The following OLFML2A variants were observed in gnomAD, a reference collection of about 807,000 sequenced individuals.
The protein encoded by OLFML2A is olfactomedin like 2A.
A neutral mutation model predicts 60.9 loss-of-function variants in OLFML2A; 47 were observed. The observed-to-expected ratio is 0.77, with a 90% CI of 0.61 to 0.98. OLFML2A has a LOEUF of 0.98. OLFML2A is among the 50% of genes least tolerant of loss of function. The pLI is 0.00. For synonymous variants in OLFML2A, 372 were observed against 375.0 expected (o/e 0.99, Z 0.09); for missense variants, 922 against 879.8 (o/e 1.05, Z -0.61).
In OLFML2A at chr9:124,786,893, G is replaced by C. The variant is rs1841484080; in HGVS notation, c.91-82G>C. 13 of 1,466,020 alleles carry C rather than the reference G, an allele frequency of 8.9e-6. No individual in the cohort carries two copies. In the South Asian group the frequency reaches 1.5e-4, roughly 17 times the overall value. 90.8% of individuals were successfully genotyped at this position (1,466,020 alleles called of 1,614,324 possible). On this transcript the variant is annotated intron_variant, in intron 1 of 7. Transcript: ENST00000373580. ...CATCCCAAGGCTGGCTGGCCAGCTG[G>C]CTTCTGCCATCTCTCCCTTCCTCCC...
intron 1 of OLFML2A, among the ~76,000 whole-genome samples, chr9:124,785,851 A>T (rs1485861468): frequency 3.3e-5 from 5 of 152,164 alleles, no homozygotes; most frequent in Admixed American, 1.3e-4. Context: ...GAGGTGGCAC[A>T]TACTGTAATC....
rs761695541 is a variant in OLFML2A at position 124,807,941 on chromosome 9, C to T, written c.1329C>T (p.Phe443=). 3 of 1,614,068 alleles carry T rather than the reference C, an allele frequency of 1.9e-6. No homozygotes were observed. The South Asian group carries it at 3.3e-5, about 18-fold the overall frequency. Residue 443 remains phenylalanine, a synonymous_variant, in exon 7 of 8, where the codon TTC becomes TTT. Transcript: ENST00000373580. ...NYYYGNSLVE[F]RNLENFKQGR... is the part of the protein sequence containing the mutation. The stretch of plus-strand genomic sequence containing the variant: ...ACTATGGAAACAGCCTGGTGGAGTT[C>T]CGCAACCTGGAAAACTTCAAGCAAG...
Position 124,787,055 on chromosome 9 carries a change from C to A in OLFML2A, c.171C>A (p.Ser57Arg), listed in dbSNP as rs1180975209. The change falls in exon 2 of 8, where the codon AGC (serine) becomes AGA (arginine). Residue 57 changes from serine to arginine, a missense_variant. By Grantham distance (110) the Ser-to-Arg change is moderately radical. Transcript: ENST00000373580. ...CRCKCIMRPLSKDACSRVRSG... is the reference protein window; with the variant it reads ...CRCKCIMRPLRKDACSRVRSG... ...GCAAGTGCATCATGCGGCCCCTGAG[C>A]AAGGACGCGTGTAGCCGAGTGCGCA... 1 of 1,614,056 alleles carries A rather than the reference C, an allele frequency of 6.2e-7. No individual in the cohort carries two copies. Among genetic ancestry groups the A allele is most frequent in the Admixed American group, 1.7e-5 (1 of 60,030 alleles).
At chr9:124,809,058 T>C (rs1252327503) in intron 7 of OLFML2A, among the ~76,000 whole-genome samples, 3 of 151,162 alleles carry the variant, frequency 2.0e-5, no homozygotes, top group Non-Finnish European at 2.9e-5. Context: ...TCCCAGCTAC[T>C]TGGGAGGCTA....
chr9:124,805,183 G>A (rs970631729), intron 6 of OLFML2A, among the ~76,000 whole-genome samples: 11 of 151,902 alleles, frequency 7.2e-5, no homozygotes, highest in African/African-American at 2.2e-4. Flanking sequence ...CATTGATCCC[G>A]TCCTTCCGAA....
intron 1 of OLFML2A, among the ~76,000 whole-genome samples, chr9:124,782,007 T>G (rs1841368688): frequency 6.6e-6 from 1 of 152,218 alleles, no homozygotes. Flanking sequence ...CATCTGTGTG[T>G]GCTGAGCAAG....
rs999478525 is a variant in OLFML2A at position 124,777,365 on chromosome 9, G to A, written c.90+5G>A. The A allele has an allele frequency of 5.5e-6, 7 of 1,271,926 alleles. No individual in the cohort carries two copies. The highest frequency in any genetic ancestry group is 7.0e-6 in the Non-Finnish European group (7 of 1,005,834). The allele number at this position is 1,271,926 out of a possible 1,614,324, so 78.8% of individuals were successfully genotyped here. A position where few individuals can be genotyped will look rare whatever the true frequency, so the allele number is the denominator to read the frequency against. On this transcript the variant is annotated splice_donor_5th_base_variant and intron_variant, in intron 1 of 7. Transcript: ENST00000373580. The surrounding 1 kb of genome is among the most constrained non-coding windows in gnomAD (Gnocchi z 6.2). ...CCCACGCGCGCCGACAGTAAGGTAC[G>A]CACGCCCCTCGGACCCGCGCGGCTC...
intron 4 of OLFML2A, 29 bp downstream of exon 4, chr9:124,799,520 G>A (rs377238108): frequency 9.2e-6 from 14 of 1,529,288 alleles, no homozygotes; most frequent in East Asian, 2.4e-5. Context: ...TCATGGGGCC[G>A]GAGCTGGCTG....
chr9:124,801,734 C>T, intron 5 of OLFML2A, 71 bp downstream of exon 5: 1 of 1,499,592 alleles, frequency 6.7e-7, no homozygotes, highest in Non-Finnish European at 9.1e-7. Flanking sequence ...CTCATCTTCT[C>T]TGCAGTGGGA....
At chr9:124,792,168 T>C (rs1841580977) in intron 2 of OLFML2A, among the ~76,000 whole-genome samples, 1 of 152,348 alleles carries the variant, frequency 6.6e-6, no homozygotes, top group South Asian at 2.1e-4. Context: ...TGGTCAACTG[T>C]GTGGCACTAC....
chr9:124,794,982 T>C (rs781624840), intron 2 of OLFML2A, 42 bp from the exon 3 acceptor site: 11 of 1,217,480 alleles, frequency 9.0e-6, no homozygotes, highest in Middle Eastern at 1.9e-4. Context: ...TGGCCGGCCA[T>C]GTGCTGCACT....
chr9:124,809,834 C>T lies in OLFML2A; in HGVS notation c.1381C>T (p.Pro461Ser), dbSNP rs144365777. ...QGRWSNMYKL[P>S]YNWIGTGHVV... ...CCGCTGGAGTAACATGTACAAGCTA[C>T]CCTACAACTGGATCGGCACAGGCCA... Residue 461 changes from proline (P) to serine (S), a missense_variant, in exon 8 of 8, where the codon CCC becomes TCC. Pro to Ser is a moderately conservative substitution (Grantham distance 74, BLOSUM62 -1). Coordinates refer to ENST00000373580, the MANE Select transcript of OLFML2A (RefSeq NM_182487.4). The T allele has an allele frequency of 5.6e-4, 900 of 1,612,082 alleles. No individual in the cohort carries two copies. Among genetic ancestry groups the T allele is most frequent in the Non-Finnish European group, 7.1e-4 (834 of 1,178,874 alleles).
At chr9:124,800,427 C>T (rs1841751135) in intron 4 of OLFML2A, among the ~76,000 whole-genome samples, 1 of 152,350 alleles carries the variant, frequency 6.6e-6, no homozygotes, top group South Asian at 2.1e-4. Flanking sequence ...GAGGGGCGAC[C>T]CCTGCCCATT....
Position 124,804,248 on chromosome 9 carries a change from C to G in OLFML2A, c.1074C>G (p.Ile358Met), listed in dbSNP as rs779735895. ...TGGCTTCTGGCACCCCCACTTCAAT[C>G]CCTGCCACCACCACCACCGCCACCA... ...VDLASGTPTS[I>M]PATTTTATTT... The change falls in exon 6 of 8, where the codon ATC (isoleucine) becomes ATG (methionine). Residue 358 changes from isoleucine (I) to methionine (M), a missense_variant. Physicochemically the swap from Ile to Met is conservative, Grantham distance 10. Coordinates refer to ENST00000373580, the MANE Select transcript of OLFML2A (RefSeq NM_182487.4). 1.9e-6 allele frequency: 3 copies of G among 1,612,048 alleles called. No homozygotes were observed. The highest frequency in any genetic ancestry group is 1.3e-5 in the African/African-American group (1 of 74,952).
At chr9:124,807,089 A>AT (rs151131740) in intron 6 of OLFML2A, among the ~76,000 whole-genome samples, 99 of 142,464 alleles carry the variant, frequency 6.9e-4, no homozygotes, top group Non-Finnish European at 8.7e-4. Context: ...AATTAAAAAA[A>AT]TTTTTTTTTT....
At chr9:124,793,142 G>T (rs900502474) in intron 2 of OLFML2A, among the ~76,000 whole-genome samples, 1 of 152,250 alleles carries the variant, frequency 6.6e-6, no homozygotes, top group Non-Finnish European at 1.5e-5. Context: ...GCCTGTGCAG[G>T]CCCTGGGAAA....
intron 1 of OLFML2A, among the ~76,000 whole-genome samples, chr9:124,786,755 C>T (rs1483556905): frequency 2.8e-5 from 2 of 70,874 alleles, no homozygotes; most frequent in African/African-American, 1.2e-4. Context: ...CGTAGACACA[C>T]ACACACACAC....
chr9:124,812,314 C>A lies in OLFML2A; in HGVS notation c.*1902C>A. 6.6e-6 allele frequency: 1 copy of A among 152,380 alleles called. No homozygotes were observed. Among genetic ancestry groups the A allele is most frequent in the Non-Finnish European group, 1.5e-5 (1 of 68,150 alleles). The allele number at this position is 152,380 out of a possible 1,614,324, so 9.4% of individuals were successfully genotyped here. A position where few individuals can be genotyped will look rare whatever the true frequency, so the allele number is the denominator to read the frequency against. Reference sequence around the variant, plus strand: ...TAGCTGGGACTACAGCACCCACCACCACACCCAGCTAATTTTTGTATTTTT... The same window carrying A: ...TAGCTGGGACTACAGCACCCACCACAACACCCAGCTAATTTTTGTATTTTT... On this transcript the variant is annotated 3_prime_UTR_variant, in exon 8 of 8. Coordinates refer to ENST00000373580, the MANE Select transcript of OLFML2A (RefSeq NM_182487.4).
In OLFML2A at chr9:124,787,004, G is replaced by C; in HGVS notation, c.120G>C (p.Met40Ile). ...TTGGGGACCTGGACCAGGTGAGGATGACCTCGGAGGGCTCCGACTGCCGTT... is the reference window on the plus strand; with the variant it reads ...TTGGGGACCTGGACCAGGTGAGGATCACCTCGGAGGGCTCCGACTGCCGTT... ...KVFGDLDQVR[M>I]TSEGSDCRCK... Residue 40 changes from methionine to isoleucine, a missense_variant, in exon 2 of 8, where the codon ATG (methionine) becomes ATC (isoleucine). Met to Ile is a conservative substitution (Grantham distance 10). Coordinates refer to ENST00000373580, the MANE Select transcript of OLFML2A (RefSeq NM_182487.4). 1 of 1,613,024 alleles carries C rather than the reference G, an allele frequency of 6.2e-7. No homozygotes were observed. The highest frequency in any genetic ancestry group is 8.5e-7 in the Non-Finnish European group (1 of 1,179,286).
Sources: gnomAD v4.1 joint callset for allele counts (sites outside exome capture counted in the v4.1 genomes callset) on GRCh38, gnomAD v4.1.1 for gene constraint, Gnocchi (gnomAD v3.1) non-coding constraint, MANE v1.5 for transcripts, NCBI Gene and HGNC (gene_info 2026-07-23, HGNC 2026-07-21) for gene names.